Variants in SHC4 observed in about 807,000 individuals in gnomAD.
SHC4 encodes SHC adaptor protein 4, also known as SHC-transforming protein 4.
Under a neutral mutation model 69.4 loss-of-function variants are expected in SHC4, and 41 were observed. The ratio of observed to expected loss-of-function variants is 0.59; its 90% confidence interval spans 0.46 to 0.77. SHC4 has a LOEUF of 0.77. Ranked by LOEUF, SHC4 falls within the 30% of genes least tolerant of loss-of-function variation. The pLI is 0.00. For missense variants in SHC4, 777 were observed against 783.8 expected (o/e 0.99, Z 0.10); for synonymous variants, 318 against 299.3 (o/e 1.06, Z -0.64).
intron 2 of SHC4, among the ~76,000 whole-genome samples, chr15:48,914,159 C>T (rs546128916): frequency 1.2e-4 from 19 of 152,348 alleles, no homozygotes; most frequent in African/African-American, 3.8e-4. Flanking sequence ...CCGCGCCCGG[C>T]GCGACATTGT....
At chr15:48,826,297 G>A (rs1898687309) in intron 11 of SHC4, among the ~76,000 whole-genome samples, 171 bp from the exon 12 acceptor site, 1 of 150,824 alleles carries the variant, frequency 6.6e-6, no homozygotes, top group South Asian at 2.1e-4. Flanking sequence ...TGTGGCCCAG[G>A]TTAGAGTGTA....
intron 4 of SHC4, among the ~76,000 whole-genome samples, chr15:48,881,045 A>G (rs1899934352): frequency 6.6e-6 from 1 of 151,126 alleles, no homozygotes; most frequent in South Asian, 2.1e-4. Flanking sequence ...GAAGCTAGAG[A>G]AAGGAGTTCT....
chr15:48,833,625 G>A (rs1898847370), intron 11 of SHC4, among the ~76,000 whole-genome samples: 1 of 152,126 alleles, frequency 6.6e-6, no homozygotes, highest in Admixed American at 6.5e-5. Flanking sequence ...GTGGCTCCTG[G>A]CATCCAAAAT....
Position 48,962,979 on chromosome 15 carries a change from C to G in SHC4, c.37G>C (p.Val13Leu). 6.2e-7 allele frequency: 1 copy of G among 1,612,016 alleles called. No homozygotes were observed. The highest frequency in any genetic ancestry group is 8.5e-7 in the Non-Finnish European group (1 of 1,179,390). Residue 13 changes from valine to leucine, a missense_variant, in exon 1 of 12, where the codon GTG becomes CTG. By Grantham distance (32) the Val-to-Leu change is conservative. Transcript: ENST00000332408. ...ERGQDSLAGL[V>L]LYVGLFGHPG... ...TGCCCGAAGAGTCCTACATACAGCA[C>G]GAGTCCTGCCAGGCTGTCCTGGCCG...
chr15:48,890,691 A>G lies in SHC4; in HGVS notation c.720+57T>C, dbSNP rs563305242. 9.4e-6 allele frequency: 15 copies of G among 1,599,426 alleles called. No individual in the cohort carries two copies. The African/African-American group carries it at 1.1e-4, about 11-fold the overall frequency. ...GTGGGATGAACGAACAGCGATTTTC[A>G]TACTATCTTTGCCATAATTAGGGAA... On this transcript the variant is annotated intron_variant, in intron 3 of 11. Coordinates refer to ENST00000332408, the MANE Select transcript of SHC4 (RefSeq NM_203349.4).
intron 2 of SHC4, among the ~76,000 whole-genome samples, chr15:48,923,730 C>A (rs567014746): frequency 1.0e-4 from 15 of 148,074 alleles, no homozygotes; most frequent in African/African-American, 3.7e-4. Flanking sequence ...GCCTTGAACT[C>A]CTGGGCTCAA....
chr15:48,957,633 G>A (rs1901476782), intron 1 of SHC4, among the ~76,000 whole-genome samples: 1 of 152,154 alleles, frequency 6.6e-6, no homozygotes, highest in South Asian at 2.1e-4. Context: ...ACCCAAGAAG[G>A]CCCATGTGAG....
chr15:48,958,087 T>C (rs1567079322), intron 1 of SHC4, among the ~76,000 whole-genome samples: 5 of 152,224 alleles, frequency 3.3e-5, no homozygotes, highest in Non-Finnish European at 5.9e-5. Flanking sequence ...ATTTCTATAG[T>C]AGTAAGCCAC....
At chr15:48,919,295 A>ATTTTTTTTTTTTGTT (rs1900692350) in intron 2 of SHC4, among the ~76,000 whole-genome samples, 1 of 71,216 alleles carries the variant, frequency 1.4e-5, no homozygotes, top group African/African-American at 5.2e-5. Context: ...ATTTATTTTA[A>ATTTTTTTTTTTTGTT]TTTTTTTTTT....
chr15:48,920,539 T>C (rs931971916), intron 2 of SHC4, among the ~76,000 whole-genome samples: 1 of 152,070 alleles, frequency 6.6e-6, no homozygotes, highest in Non-Finnish European at 1.5e-5. Context: ...CCTCCCAAAA[T>C]GCTGGGATTA....
intron 2 of SHC4, among the ~76,000 whole-genome samples, chr15:48,907,813 T>A (rs1900433354): frequency 6.9e-6 from 1 of 144,942 alleles, no homozygotes; most frequent in African/African-American, 2.6e-5. Flanking sequence ...AATGAATGAA[T>A]ATGTGTGTGT....
chr15:48,837,820 G>GGAT, intron 10 of SHC4, among the ~76,000 whole-genome samples: 1 of 152,032 alleles, frequency 6.6e-6, no homozygotes, highest in African/African-American at 2.4e-5. Flanking sequence ...GATCTAATGG[G>GGAT]CAAAAACCTC....
chr15:48,945,375 C>T (rs1289708774), intron 1 of SHC4, among the ~76,000 whole-genome samples: 3 of 151,834 alleles, frequency 2.0e-5, no homozygotes, highest in Non-Finnish European at 2.9e-5. Context: ...TGGGTGTACA[C>T]CCAAGAAAGT....
At chr15:48,951,398 G>T (rs1225987370) in intron 1 of SHC4, among the ~76,000 whole-genome samples, 3 of 151,598 alleles carry the variant, frequency 2.0e-5, no homozygotes, top group Admixed American at 2.0e-4. Context: ...CTTTCTCCAG[G>T]CTCCCTCCTC....
chr15:48,845,660 C>T (rs1272661127), intron 9 of SHC4, among the ~76,000 whole-genome samples: 1 of 152,160 alleles, frequency 6.6e-6, no homozygotes, highest in Non-Finnish European at 1.5e-5. Context: ...CAGATCAGAG[C>T]TTTGGCCCCT....
intron 2 of SHC4, among the ~76,000 whole-genome samples, chr15:48,920,836 C>T (rs907887574): frequency 1.3e-5 from 2 of 152,140 alleles, no homozygotes; most frequent in Admixed American, 1.3e-4. Flanking sequence ...GTAATCCCAG[C>T]ACTTTGGAAG....
chr15:48,923,986 G>A (rs192635738), intron 2 of SHC4, among the ~76,000 whole-genome samples: 1 of 152,242 alleles, frequency 6.6e-6, no homozygotes, highest in Admixed American at 6.5e-5. Flanking sequence ...CCTAAAGAGT[G>A]ATGTGGCTCC....
intron 2 of SHC4, among the ~76,000 whole-genome samples, chr15:48,918,066 A>G (rs1296098281): frequency 6.6e-6 from 1 of 152,228 alleles, no homozygotes; most frequent in African/African-American, 2.4e-5. Context: ...GTCAGCATTC[A>G]CACCTGAATT....
intron 1 of SHC4, among the ~76,000 whole-genome samples, chr15:48,941,889 C>T (rs562393493): frequency 6.6e-6 from 1 of 152,242 alleles, no homozygotes; most frequent in East Asian, 1.9e-4. Context: ...CATCCTTCAC[C>T]TCCTTCACAC....
Sources: allele counts gnomAD v4.1 joint callset (sites outside exome capture counted in the v4.1 genomes callset), GRCh38; gene constraint gnomAD v4.1.1; transcripts MANE v1.5; gene names NCBI Gene and HGNC (gene_info 2026-07-23, HGNC 2026-07-21).